CYSTM1: variants seen among roughly 807,000 people sequenced by gnomAD.
CYSTM1 encodes cysteine-rich transmembrane module-containing protein 1.
In CYSTM1, 4 loss-of-function variants were observed where a neutral mutation model predicts 13.1. That is an observed-to-expected ratio of 0.31 (90% CI 0.15 to 0.70). The LOEUF is 0.70. Ranked by LOEUF, CYSTM1 falls within the 30% of genes least tolerant of loss-of-function variation. The pLI is 0.72. For synonymous variants in CYSTM1, 36 were observed against 42.7 expected (o/e 0.84, Z 0.62); for missense variants, 96 against 121.6 (o/e 0.79, Z 0.99).
rs1005653030 is a variant in CYSTM1 at position 140,175,949 on chromosome 5, G to A, written c.-21+664G>A. Among the ~76,000 whole-genome samples the A allele has an allele frequency of 6.6e-6, 1 of 152,160 alleles. No homozygotes were observed. The highest frequency in any genetic ancestry group is 2.4e-5 in the African/African-American group (1 of 41,424). ...CCTGACGGGTGGGAACTAATCTCCC[G>A]GTAGCAGTGGAGGTTGCAGGGGGGA... is the stretch of plus-strand genomic sequence containing the variant. On this transcript the variant is annotated intron_variant, in intron 1 of 2. Transcript: ENST00000261811. This position sits in a 1 kb window ranked among gnomAD's most constrained non-coding sequence, Gnocchi z 4.9.
Position 140,194,460 on chromosome 5 carries a change from TC to T in CYSTM1, c.-2del, listed in dbSNP as rs767421202. On this transcript the variant is annotated 5_prime_UTR_variant, in exon 2 of 3. Coordinates refer to ENST00000261811, the MANE Select transcript of CYSTM1 (RefSeq NM_032412.4). ...TTGTCTCTTAGGTGCACTTTACAGG[TC>T]CCCGATGAACCAAGAGAACCCTCCA... 6.3e-7 allele frequency: 1 copy of T among 1,575,468 alleles called. No individual in the cohort carries two copies. Among genetic ancestry groups the T allele is most frequent in the South Asian group, 1.2e-5 (1 of 84,660 alleles).
At chr5:140,192,520 C>A (rs961347921) in intron 1 of CYSTM1, among the ~76,000 whole-genome samples, 23 of 152,316 alleles carry the variant, frequency 1.5e-4, no homozygotes, top group Middle Eastern at 6.8e-3. Flanking sequence ...CCATTTCTTT[C>A]CTTTTTTCTG....
intron 2 of CYSTM1, among the ~76,000 whole-genome samples, chr5:140,207,287 C>T (rs565894046): frequency 1.1e-4 from 16 of 152,326 alleles, no homozygotes; most frequent in Non-Finnish European, 2.2e-4. Context: ...ATTCCTGGCT[C>T]TTGAAAAGAG....
chr5:140,209,076 C>T (rs1764332783), intron 2 of CYSTM1, among the ~76,000 whole-genome samples: 1 of 151,574 alleles, frequency 6.6e-6, no homozygotes, highest in Non-Finnish European at 1.5e-5. Flanking sequence ...TCTCTACTAT[C>T]TGAAAGGTCC....
intron 2 of CYSTM1, among the ~76,000 whole-genome samples, chr5:140,199,582 C>T (rs905268877): frequency 2.6e-5 from 4 of 152,168 alleles, no homozygotes; most frequent in African/African-American, 4.8e-5. Context: ...CCTCCACCTC[C>T]GGGGTTCAAG....
intron 2 of CYSTM1, among the ~76,000 whole-genome samples, chr5:140,212,387 G>A (rs557280480): frequency 6.6e-5 from 10 of 152,244 alleles, no homozygotes; most frequent in African/African-American, 1.7e-4. Context: ...TGGTGTAAAC[G>A]AACCTACTGC....
chr5:140,220,752 G>C (rs935960151), intron 2 of CYSTM1, among the ~76,000 whole-genome samples: 3 of 152,062 alleles, frequency 2.0e-5, no homozygotes, highest in Non-Finnish European at 4.4e-5. Flanking sequence ...AGTTGGAGCA[G>C]TCTAGAAGAG....
At chr5:140,220,069 G>T (rs1764472395) in intron 2 of CYSTM1, among the ~76,000 whole-genome samples, 1 of 152,164 alleles carries the variant, frequency 6.6e-6, no homozygotes, top group Non-Finnish European at 1.5e-5. Flanking sequence ...TTATATTCAA[G>T]GGCCACTGAC....
chr5:140,212,967 CA>C (rs1764385754), intron 2 of CYSTM1, among the ~76,000 whole-genome samples: 1 of 102,790 alleles, frequency 9.7e-6, no homozygotes, highest in Non-Finnish European at 2.1e-5. Context: ...GACTCTGTCT[CA>C]AAAACAAAAC....
At chr5:140,227,919 A>ATG (rs552363697) in intron 2 of CYSTM1, among the ~76,000 whole-genome samples, 2 of 152,008 alleles carry the variant, frequency 1.3e-5, no homozygotes, top group East Asian at 1.9e-4. Flanking sequence ...TATTTCAGAA[A>ATG]TGTGTGTGTG....
At position 140,230,920 on chromosome 5, in the gene CYSTM1, T is replaced by A. The variant is rs1764610837; in HGVS notation, c.188-12385T>A. On this transcript the variant is annotated intron_variant, in intron 2 of 2. Coordinates refer to ENST00000261811, the MANE Select transcript of CYSTM1 (RefSeq NM_032412.4). The surrounding 1 kb of genome is among the most constrained non-coding windows in gnomAD (Gnocchi z 4.1). ...ACGTGCATAAACACATACCTCTTAT[T>A]CTTTTTCGTAATTTTCTTGGCTTTC... Among the ~76,000 whole-genome samples the A allele has an allele frequency of 6.6e-6, 1 of 152,246 alleles. No homozygotes were observed. The highest frequency in any genetic ancestry group is 2.4e-5 in the African/African-American group (1 of 41,468).
chr5:140,208,916 G>A (rs1325201058), intron 2 of CYSTM1, among the ~76,000 whole-genome samples: 2 of 151,778 alleles, frequency 1.3e-5, no homozygotes, highest in African/African-American at 2.4e-5. Context: ...GCAGGCGCCT[G>A]TAGTCCCAGC....
chr5:140,229,179 A>G (rs183936296), intron 2 of CYSTM1, among the ~76,000 whole-genome samples: 96 of 152,102 alleles, frequency 6.3e-4, no homozygotes, highest in African/African-American at 2.2e-3. Flanking sequence ...TAGGTGTGCA[A>G]ATATCTTCTT....
Position 140,219,475 on chromosome 5 carries a change from T to TA in CYSTM1, c.188-23830_188-23829insA, listed in dbSNP as rs1260219337. ...GCCCCCGAATCACCTTCTCACCACA[T>TA]TCATTGAGAATGGTCATCCTGTCCC... is the stretch of plus-strand genomic sequence containing the variant. On this transcript the variant is annotated intron_variant, in intron 2 of 2. Transcript: ENST00000261811. The surrounding 1 kb of genome is among the most constrained non-coding windows in gnomAD (Gnocchi z 4.1). Among the ~76,000 whole-genome samples the TA allele has an allele frequency of 1.3e-5, 2 of 152,174 alleles. No homozygotes were observed. The highest frequency in any genetic ancestry group is 4.8e-5 in the African/African-American group (2 of 41,440).
intron 1 of CYSTM1, among the ~76,000 whole-genome samples, chr5:140,184,650 C>T (rs1038856143): frequency 3.3e-5 from 5 of 152,178 alleles, no homozygotes; most frequent in Non-Finnish European, 5.9e-5. Context: ...TTGATATTTT[C>T]AGGTAGTAAT....
chr5:140,221,826 C>T (rs1027231945), intron 2 of CYSTM1, among the ~76,000 whole-genome samples: 3 of 152,226 alleles, frequency 2.0e-5, no homozygotes, highest in African/African-American at 7.2e-5. Context: ...TTTTAGACTC[C>T]AGCATAACTA....
intron 1 of CYSTM1, among the ~76,000 whole-genome samples, chr5:140,181,153 C>T (rs2126652312): frequency 6.6e-6 from 1 of 152,312 alleles, no homozygotes; most frequent in African/African-American, 2.4e-5. Flanking sequence ...GGTCAGCTTT[C>T]AGTTTCAGAA....
intron 2 of CYSTM1, chr5:140,228,839 A>C (rs1764589808): frequency 2.5e-6 from 1 of 398,970 alleles, no homozygotes; most frequent in African/African-American, 2.1e-5. Flanking sequence ...TGAACTGAGC[A>C]GCTAAGATCC....
intron 2 of CYSTM1, among the ~76,000 whole-genome samples, chr5:140,216,499 T>C (rs1764428625): frequency 1.3e-5 from 2 of 152,148 alleles, no homozygotes; most frequent in South Asian, 2.1e-4. Flanking sequence ...GACAGACCCA[T>C]TGAGCAGATC....
Sources: allele counts gnomAD v4.1 joint callset (sites outside exome capture counted in the v4.1 genomes callset), GRCh38; gene constraint gnomAD v4.1.1; non-coding constraint Gnocchi (gnomAD v3.1); transcripts MANE v1.5; gene names NCBI Gene and HGNC (gene_info 2026-07-23, HGNC 2026-07-21).